TMEM170A: variants seen among roughly 807,000 people sequenced by gnomAD.
TMEM170A encodes the protein transmembrane protein 170.
In TMEM170A, 18 loss-of-function variants were observed where a neutral mutation model predicts 12.8. That is an observed-to-expected ratio of 1.41 (90% CI 0.97 to 2.09). The LOEUF is 2.09. Among genes scored for constraint, TMEM170A ranks in the 30% most tolerant of loss-of-function variants. The probability of loss-of-function intolerance (pLI) is 0.00; values close to 1 mark genes in which losing one functional copy is unlikely to be tolerated. For synonymous variants in TMEM170A, 107 were observed against 76.2 expected, an observed-to-expected ratio of 1.40 and a Z score of -2.11; for missense variants, 220 against 179.9, an observed-to-expected ratio of 1.22 and a Z score of -1.28.
At position 75,443,436 on chromosome 16, in the gene TMEM170A, G is replaced by C. The variant is rs780328356; in HGVS notation, c.*4122C>G. On this transcript the variant is annotated 3_prime_UTR_variant, in exon 3 of 3. Coordinates refer to ENST00000561878, the MANE Select transcript of TMEM170A (RefSeq NM_145254.3). Reference sequence around the variant, plus strand: ...CTTATAGAGTGCACAAAAAAGAAATGCAAGTACACGACATTTCTGCATATG... The same window carrying C: ...CTTATAGAGTGCACAAAAAAGAAATCCAAGTACACGACATTTCTGCATATG... 2.0e-5 allele frequency: 3 copies of C among 152,126 alleles called. No homozygotes were observed. Among genetic ancestry groups the C allele is most frequent in the African/African-American group, 4.8e-5 (2 of 41,432 alleles). 9.4% of individuals were successfully genotyped at this position (152,126 alleles called of 1,614,324 possible). A position where few individuals can be genotyped will look rare whatever the true frequency, so the allele number is the denominator to read the frequency against.
At position 75,464,583 on chromosome 16, in the gene TMEM170A, G is replaced by A. The variant is rs923537742; in HGVS notation, c.18C>T (p.Ser6=). 2 of 1,585,488 alleles carry A rather than the reference G, an allele frequency of 1.3e-6. No homozygotes were observed. Among genetic ancestry groups the A allele is most frequent in the African/African-American group, 2.8e-5 (2 of 71,804 alleles). Residue 6 remains serine, a synonymous_variant, in exon 1 of 3, where the codon AGC becomes AGT. Transcript: ENST00000561878. ...GCCCGGCCGACCCGCCGCTGCCGCC[G>A]CTCCCCTCGCGCTCCATCCCGTCGC... MEREG[S]GGSGGSAGLL... is the part of the protein sequence containing the mutation.
At chr16:75,460,090 C>G (rs1029168657) in intron 1 of TMEM170A, 9 of 153,288 alleles carry the variant, frequency 5.9e-5, no homozygotes, top group African/African-American at 2.2e-4. Context: ...CTCCCTGGTT[C>G]CTGGGTGTGC....
In TMEM170A at chr16:75,444,129, T is replaced by G. The variant is rs2079544575; in HGVS notation, c.*3429A>C. On this transcript the variant is annotated 3_prime_UTR_variant, in exon 3 of 3. Coordinates refer to ENST00000561878, the MANE Select transcript of TMEM170A (RefSeq NM_145254.3). The stretch of plus-strand genomic sequence containing the variant: ...AAAATCAAGAAATCAGCTTTTATGG[T>G]CAGGAGGCTGCCTCCCTCCCTCTCT... 1 of 149,354 alleles carries G rather than the reference T, an allele frequency of 6.7e-6. No individual in the cohort carries two copies. The highest frequency in any genetic ancestry group is 1.5e-5 in the Non-Finnish European group (1 of 67,426). The allele number at this position is 149,354 out of a possible 1,614,324, so 9.3% of individuals were successfully genotyped here. A position where few individuals can be genotyped will look rare whatever the true frequency, so the allele number is the denominator to read the frequency against.
chr16:75,445,548 C>G lies in TMEM170A; in HGVS notation c.*2010G>C, dbSNP rs1175058919. 3 of 152,282 alleles carry G rather than the reference C, an allele frequency of 2.0e-5. No individual in the cohort carries two copies. Among genetic ancestry groups the G allele is most frequent in the African/African-American group, 7.2e-5 (3 of 41,424 alleles). 9.4% of individuals were successfully genotyped at this position (152,282 alleles called of 1,614,324 possible). ...TTGGGCTCAAGCAATCCTCCCACAT[C>G]GACCTCCCAAAGTGCTGGGATTATA... On this transcript the variant is annotated 3_prime_UTR_variant, in exon 3 of 3. Coordinates refer to ENST00000561878, the MANE Select transcript of TMEM170A (RefSeq NM_145254.3).
At chr16:75,448,022 G>C (rs1014887681) in intron 2 of TMEM170A, among the ~76,000 whole-genome samples, 1 of 152,196 alleles carries the variant, frequency 6.6e-6, no homozygotes, top group Non-Finnish European at 1.5e-5. Context: ...AAAAATATCT[G>C]TATTCCCCTA....
chr16:75,443,396 T>C lies in TMEM170A; in HGVS notation c.*4162A>G, dbSNP rs2079533062. 6.6e-6 allele frequency: 1 copy of C among 152,230 alleles called. No homozygotes were observed. The highest frequency in any genetic ancestry group is 1.5e-5 in the Non-Finnish European group (1 of 68,038). The allele number at this position is 152,230 out of a possible 1,614,324, so 9.4% of individuals were successfully genotyped here. On this transcript the variant is annotated 3_prime_UTR_variant, in exon 3 of 3. Coordinates refer to ENST00000561878, the MANE Select transcript of TMEM170A (RefSeq NM_145254.3). ...CATAATATAAAAAGTTAAGCTGATC[T>C]GAGTCACAACCAGCCTTATAGAGTG...
chr16:75,451,723 C>T lies in TMEM170A; in HGVS notation c.250G>A (p.Val84Ile). ...RHHKYGRFMS[V>I]SILLMGIVGP... Reference sequence around the variant, plus strand: ...ACGATGCCCATCAACAGGATGCTTACAGACATGAACCTACCATATTTGTGA... The same window carrying T: ...ACGATGCCCATCAACAGGATGCTTATAGACATGAACCTACCATATTTGTGA... Residue 84 changes from valine (V) to isoleucine (I), a missense_variant, in exon 2 of 3, where the codon GTA becomes ATA. Physicochemically the swap from Val to Ile is conservative, Grantham distance 29. Coordinates refer to ENST00000561878, the MANE Select transcript of TMEM170A (RefSeq NM_145254.3). 6.2e-7 allele frequency: 1 copy of T among 1,614,170 alleles called. No homozygotes were observed. The highest frequency in any genetic ancestry group is 8.5e-7 in the Non-Finnish European group (1 of 1,180,034).
chr16:75,461,334 G>A (rs1029294185), intron 1 of TMEM170A, among the ~76,000 whole-genome samples: 30 of 152,270 alleles, frequency 2.0e-4, no homozygotes, highest in African/African-American at 3.8e-4. Context: ...GATTACAGGC[G>A]TGAGCCACGG....
intron 1 of TMEM170A, among the ~76,000 whole-genome samples, chr16:75,462,542 G>A (rs554663654): frequency 1.9e-4 from 29 of 152,326 alleles, no homozygotes; most frequent in Non-Finnish European, 3.4e-4. Flanking sequence ...ATGTACTGGT[G>A]AGTGGACGTC....
intron 2 of TMEM170A, among the ~76,000 whole-genome samples, chr16:75,449,886 G>C (rs1375087272): frequency 6.6e-6 from 1 of 152,076 alleles, no homozygotes; most frequent in Non-Finnish European, 1.5e-5. Context: ...ATGAAGCGAA[G>C]AAAGGAAAAA....
chr16:75,460,541 T>C (rs957559125), intron 1 of TMEM170A, among the ~76,000 whole-genome samples: 1 of 152,184 alleles, frequency 6.6e-6, no homozygotes, highest in Non-Finnish European at 1.5e-5. Context: ...GTTGGCTCAT[T>C]ACTCACTTTC....
chr16:75,450,277 C>T (rs960991954), intron 2 of TMEM170A, among the ~76,000 whole-genome samples: 1 of 150,668 alleles, frequency 6.6e-6, no homozygotes, highest in Non-Finnish European at 1.5e-5. Flanking sequence ...AGTTACAAAT[C>T]AGTAGGAATA....
At position 75,463,099 on chromosome 16, in the gene TMEM170A, A is replaced by C. The variant is rs541787603; in HGVS notation, c.133+1369T>G. Among the ~76,000 whole-genome samples, 3 of 152,344 alleles carry C rather than the reference A, an allele frequency of 2.0e-5. No individual in the cohort carries two copies. In the South Asian group the frequency reaches 6.2e-4, roughly 32 times the overall value. On this transcript the variant is annotated intron_variant, in intron 1 of 2. Coordinates refer to ENST00000561878, the MANE Select transcript of TMEM170A (RefSeq NM_145254.3). ...GAGAGAAAGAGAAACAGAAAGCCAA[A>C]GAATCAAAATATTACTGAGTCTAAG...
At chr16:75,454,803 C>A (rs756140323) in intron 1 of TMEM170A, among the ~76,000 whole-genome samples, 130 of 152,296 alleles carry the variant, frequency 8.5e-4, no homozygotes, top group Admixed American at 2.9e-3. Context: ...CCTGACACTC[C>A]TAGTTGGAAT....
Position 75,443,817 on chromosome 16 carries a change from G to A in TMEM170A, c.*3741C>T, listed in dbSNP as rs1236605880. 5 of 152,136 alleles carry A rather than the reference G, an allele frequency of 3.3e-5. No individual in the cohort carries two copies. The highest frequency in any genetic ancestry group is 3.9e-4 in the East Asian group (2 of 5,186). The allele number at this position is 152,136 out of a possible 1,614,324, so 9.4% of individuals were successfully genotyped here. A position where few individuals can be genotyped will look rare whatever the true frequency, so the allele number is the denominator to read the frequency against. On this transcript the variant is annotated 3_prime_UTR_variant, in exon 3 of 3. Coordinates refer to ENST00000561878, the MANE Select transcript of TMEM170A (RefSeq NM_145254.3). ...TTCAAGAATCAAGAAGGCCAAGCAT[G>A]ATGGCTCATGTCTATAGTCCCATCA...
In TMEM170A at chr16:75,453,405, G is replaced by C. The variant is rs988649496; in HGVS notation, c.134-1566C>G. On this transcript the variant is annotated intron_variant, in intron 1 of 2. Transcript: ENST00000561878. Reference sequence around the variant, plus strand: ...GTCAAGATCATGCTACTGCACTCCTGCCTGGGCAACAGGGTGAGACGGTCT... The same window carrying C: ...GTCAAGATCATGCTACTGCACTCCTCCCTGGGCAACAGGGTGAGACGGTCT... Among the ~76,000 whole-genome samples the C allele has an allele frequency of 5.9e-5, 9 of 152,288 alleles. No individual in the cohort carries two copies. In the East Asian group the frequency reaches 1.3e-3, roughly 23 times the overall value.
chr16:75,464,592 G>C lies in TMEM170A; in HGVS notation c.9C>G (p.Arg3=), dbSNP rs773802545. Residue 3 remains arginine, a synonymous_variant, in exon 1 of 3, where the codon CGC becomes CGG. Transcript: ENST00000561878. ME[R]EGSGGSGGSA... is the part of the protein sequence containing the mutation. ...ACCCGCCGCTGCCGCCGCTCCCCTC[G>C]CGCTCCATCCCGTCGCCATTCACCA... 1 of 1,584,534 alleles carries C rather than the reference G, an allele frequency of 6.3e-7. No individual in the cohort carries two copies. The highest frequency in any genetic ancestry group is 1.8e-5 in the Admixed American group (1 of 56,238).
chr16:75,449,420 T>A (rs1258715164), intron 2 of TMEM170A, among the ~76,000 whole-genome samples: 1 of 151,788 alleles, frequency 6.6e-6, no homozygotes, highest in Non-Finnish European at 1.5e-5. Context: ...CTCAACCTCC[T>A]GGGCTCAAGT....
intron 1 of TMEM170A, chr16:75,458,212 A>G (rs2079833655): frequency 6.6e-6 from 1 of 152,234 alleles, no homozygotes; most frequent in African/African-American, 2.4e-5. Context: ...CTAAAGGCAC[A>G]TCATCTCCCT....
Sources: allele counts gnomAD v4.1 joint callset (sites outside exome capture counted in the v4.1 genomes callset), GRCh38; gene constraint gnomAD v4.1.1; transcripts MANE v1.5; gene names NCBI Gene and HGNC (gene_info 2026-07-23, HGNC 2026-07-21).